RANBP17: variants seen among roughly 807,000 people sequenced by gnomAD.
RANBP17 encodes the protein ran-binding protein 17.
Under a neutral mutation model 141.2 loss-of-function variants are expected in RANBP17, and 158 were observed. That is an observed-to-expected ratio of 1.12 (90% CI 0.98 to 1.28). The LOEUF (loss-of-function observed/expected upper bound fraction) is 1.28. Among genes scored for constraint, RANBP17 ranks in the 50% most tolerant of loss-of-function variants. The pLI is 0.00. For missense variants in RANBP17, 1,438 were observed against 1,290.7 expected (o/e 1.11, Z -1.75); for synonymous variants, 430 against 450.0 (o/e 0.96, Z 0.56).
chr5:171,223,185 C>T (rs1763676869), intron 22 of RANBP17, among the ~76,000 whole-genome samples: 1 of 152,132 alleles, frequency 6.6e-6, no homozygotes, highest in South Asian at 2.1e-4. Flanking sequence ...ATTTTAATTG[C>T]ACATCTGATT....
chr5:170,997,697 T>G (rs550428009), intron 14 of RANBP17, among the ~76,000 whole-genome samples: 1 of 152,294 alleles, frequency 6.6e-6, no homozygotes, highest in Non-Finnish European at 1.5e-5. Context: ...ATGAACAGAC[T>G]CACATCTATC....
At chr5:171,089,495 A>C (rs1307483778) in intron 14 of RANBP17, among the ~76,000 whole-genome samples, 3 of 151,998 alleles carry the variant, frequency 2.0e-5, no homozygotes, top group Non-Finnish European at 4.4e-5. Context: ...ACCCAGCTCG[A>C]GCTTCCCGGC....
intron 1 of RANBP17, among the ~76,000 whole-genome samples, chr5:170,862,531 G>A (rs1402602454): frequency 1.3e-5 from 2 of 152,306 alleles, no homozygotes; most frequent in Admixed American, 6.5e-5. Flanking sequence ...CCGGAGCGGG[G>A]GCTTGGGATC....
At chr5:171,154,061 A>C (rs1758679225) in intron 14 of RANBP17, among the ~76,000 whole-genome samples, 1 of 151,224 alleles carries the variant, frequency 6.6e-6, no homozygotes, top group Non-Finnish European at 1.5e-5. Flanking sequence ...TAAAAATTGC[A>C]AACAAGACCA....
chr5:171,211,940 T>A (rs928939489), intron 20 of RANBP17, among the ~76,000 whole-genome samples: 1 of 152,194 alleles, frequency 6.6e-6, no homozygotes, highest in Non-Finnish European at 1.5e-5. Context: ...GGTTGCAAGT[T>A]TATAGCAACA....
Position 171,289,965 on chromosome 5 carries a change from G to A in RANBP17, c.2944-3918G>A, listed in dbSNP as rs142705536. On this transcript the variant is annotated intron_variant, in intron 25 of 27. Transcript: ENST00000523189. Reference sequence around the variant, plus strand: ...GGATCACTTGAGCCCAGGAGGCAGAGGTTGTAGTGAGCTGAGAGCGTACCA... The same window carrying A: ...GGATCACTTGAGCCCAGGAGGCAGAAGTTGTAGTGAGCTGAGAGCGTACCA... Among the ~76,000 whole-genome samples the A allele has an allele frequency of 3.4e-3, 520 of 152,340 alleles. 7 individuals are homozygous for A. The highest frequency in any genetic ancestry group is 5.5e-3 in the Non-Finnish European group (375 of 68,034).
intron 1 of RANBP17, among the ~76,000 whole-genome samples, chr5:170,862,977 A>G (rs978016988): frequency 5.3e-5 from 8 of 152,206 alleles, no homozygotes; most frequent in African/African-American, 1.4e-4. Flanking sequence ...CAGAGCTGCT[A>G]TGCTCTTAGC....
intron 14 of RANBP17, among the ~76,000 whole-genome samples, chr5:170,998,254 G>A (rs1017008957): frequency 2.6e-5 from 4 of 152,164 alleles, no homozygotes; most frequent in Admixed American, 6.6e-5. Flanking sequence ...ATTGTTATGT[G>A]TGTAGATTTT....
chr5:170,891,325 C>G (rs919957828), intron 3 of RANBP17, among the ~76,000 whole-genome samples: 2 of 152,074 alleles, frequency 1.3e-5, no homozygotes, highest in Non-Finnish European at 2.9e-5. Flanking sequence ...AGAAGTGGGA[C>G]TCAGAAGGGT....
intron 14 of RANBP17, among the ~76,000 whole-genome samples, chr5:171,072,246 A>G (rs939167713): frequency 6.6e-6 from 1 of 152,164 alleles, no homozygotes; most frequent in Non-Finnish European, 1.5e-5. Flanking sequence ...TAGAAAAAGC[A>G]TGGAAATGGA....
At chr5:171,132,062 C>A (rs39784) in intron 14 of RANBP17, among the ~76,000 whole-genome samples, 108,835 of 152,022 alleles carry the variant, frequency 0.72, 39,165 homozygotes, top group South Asian at 0.89. Context: ...ATAGTTTCTC[C>A]ATGGAGCCAA....
chr5:171,135,906 C>T (rs1337609424), intron 14 of RANBP17, among the ~76,000 whole-genome samples: 6 of 152,060 alleles, frequency 3.9e-5, no homozygotes, highest in Non-Finnish European at 7.3e-5. Context: ...CCTCCAGTGC[C>T]GCCTGCAATC....
chr5:171,227,316 C>G (rs1763939711), intron 22 of RANBP17, among the ~76,000 whole-genome samples: 1 of 152,198 alleles, frequency 6.6e-6, no homozygotes, highest in East Asian at 1.9e-4. Flanking sequence ...GTGAAACAAC[C>G]TTATTGCTGA....
chr5:170,983,601 A>G (rs143316812), intron 14 of RANBP17, among the ~76,000 whole-genome samples: 2 of 152,328 alleles, frequency 1.3e-5, no homozygotes, highest in Non-Finnish European at 2.9e-5. Context: ...AATAGCCGAA[A>G]GAGTTGAAAA....
At position 171,175,837 on chromosome 5, in the gene RANBP17, G is replaced by A. The variant is rs148732095; in HGVS notation, c.1865+4551G>A. On this transcript the variant is annotated intron_variant, in intron 16 of 27. Coordinates refer to ENST00000523189, the MANE Select transcript of RANBP17 (RefSeq NM_022897.5). Reference sequence around the variant, plus strand: ...TTTTACCTTATGGATACTGTTAACCGCAACAGTTCTCAAGATTAATGACTT... The same window carrying A: ...TTTTACCTTATGGATACTGTTAACCACAACAGTTCTCAAGATTAATGACTT... 4.9e-4 allele frequency among the ~76,000 whole-genome samples: 74 copies of A among 150,450 alleles called. No individual in the cohort carries two copies. The East Asian group carries it at 0.012, about 25-fold the overall frequency.
intron 22 of RANBP17, among the ~76,000 whole-genome samples, chr5:171,228,143 A>G (rs1050578185): frequency 3.9e-5 from 6 of 152,252 alleles, no homozygotes; most frequent in Non-Finnish European, 8.8e-5. Context: ...GCTGCCATAG[A>G]TAGTGATTCC....
intron 14 of RANBP17, among the ~76,000 whole-genome samples, chr5:171,075,491 G>C (rs1784863653): frequency 6.6e-6 from 1 of 152,158 alleles, no homozygotes; most frequent in South Asian, 2.1e-4. Flanking sequence ...TCCAGAGTAG[G>C]CAATTCTAAG....
chr5:170,935,207 C>T lies in RANBP17; in HGVS notation c.1468+10657C>T, dbSNP rs1581183507. Among the ~76,000 whole-genome samples, 2 of 152,288 alleles carry T rather than the reference C, an allele frequency of 1.3e-5. 1 individual carries two copies. On this transcript the variant is annotated intron_variant, in intron 12 of 27. Coordinates refer to ENST00000523189, the MANE Select transcript of RANBP17 (RefSeq NM_022897.5). ...TTTATTCTAGTTAGCCATTCGTCTA[C>T]TCTTTTTGCAAGGGTTTAGCTTCTT...
chr5:171,250,146 A>G (rs1765464760), intron 24 of RANBP17, among the ~76,000 whole-genome samples: 1 of 152,198 alleles, frequency 6.6e-6, no homozygotes, highest in African/African-American at 2.4e-5. Context: ...AGAATACTAC[A>G]TCCAGTAAAA....
Sources: gnomAD v4.1 joint callset for allele counts (sites outside exome capture counted in the v4.1 genomes callset) on GRCh38, gnomAD v4.1.1 for gene constraint, MANE v1.5 for transcripts, NCBI Gene and HGNC (gene_info 2026-07-23, HGNC 2026-07-21) for gene names.